The following FBXW7 variants were observed in gnomAD, a reference collection of about 807,000 sequenced individuals.
The protein encoded by FBXW7 is F-box/WD repeat-containing protein 7.
A neutral mutation model predicts 86.3 loss-of-function variants in FBXW7; 11 were observed. The ratio of observed to expected loss-of-function variants is 0.13; its 90% confidence interval spans 0.08 to 0.21. FBXW7 has a LOEUF of 0.21. Among genes scored for constraint, FBXW7 ranks in the 10% least tolerant of loss-of-function variants. The pLI is 1.00. For missense variants in FBXW7, 488 were observed against 847.4 expected (o/e 0.58, Z 5.27); for synonymous variants, 313 against 297.9 (o/e 1.05, Z -0.52).
chr4:152,493,283 G>C (rs11731152), intron 2 of FBXW7, among the ~76,000 whole-genome samples: 1 of 151,922 alleles, frequency 6.6e-6, no homozygotes, highest in Non-Finnish European at 1.5e-5. Context: ...TCGTGCCTCA[G>C]CCTCCCGAGT....
chr4:152,525,971 T>C (rs1749472011), intron 2 of FBXW7, among the ~76,000 whole-genome samples: 1 of 152,210 alleles, frequency 6.6e-6, no homozygotes, highest in African/African-American at 2.4e-5. Context: ...GCATCTGTTA[T>C]TTTTTGACTT....
At chr4:152,473,794 T>A (rs941848955) in intron 2 of FBXW7, among the ~76,000 whole-genome samples, 2 of 152,170 alleles carry the variant, frequency 1.3e-5, no homozygotes, top group Non-Finnish European at 2.9e-5. Flanking sequence ...CTAAATGGCA[T>A]ATTTTCACCA....
chr4:152,359,594 C>T (rs2126691004), intron 4 of FBXW7, among the ~76,000 whole-genome samples: 1 of 151,810 alleles, frequency 6.6e-6, no homozygotes, highest in Non-Finnish European at 1.5e-5. Flanking sequence ...GTCTCAAAAA[C>T]AAACAAACAA....
chr4:152,387,206 T>C (rs1735598490), intron 4 of FBXW7, among the ~76,000 whole-genome samples: 1 of 152,188 alleles, frequency 6.6e-6, no homozygotes, highest in Non-Finnish European at 1.5e-5. Flanking sequence ...GTATGTTATT[T>C]GAATTCAGTA....
At chr4:152,508,032 C>T (rs778164179) in intron 2 of FBXW7, among the ~76,000 whole-genome samples, 3 of 151,510 alleles carry the variant, frequency 2.0e-5, no homozygotes, top group African/African-American at 4.9e-5. Context: ...CATACCACTG[C>T]GCACTCCAGC....
At chr4:152,400,516 C>T (rs1191322246) in intron 4 of FBXW7, among the ~76,000 whole-genome samples, 1 of 151,228 alleles carries the variant, frequency 6.6e-6, no homozygotes, top group Non-Finnish European at 1.5e-5. Flanking sequence ...TAATTTTGTG[C>T]ATTTTTTTTT....
At chr4:152,522,036 G>C (rs1749068695) in intron 2 of FBXW7, among the ~76,000 whole-genome samples, 1 of 151,918 alleles carries the variant, frequency 6.6e-6, no homozygotes, top group South Asian at 2.1e-4. Flanking sequence ...AACAGGAAAA[G>C]TGTACACAGA....
chr4:152,415,874 C>G (rs1738382524), intron 2 of FBXW7, among the ~76,000 whole-genome samples: 1 of 152,080 alleles, frequency 6.6e-6, no homozygotes, highest in African/African-American at 2.4e-5. Context: ...GGACTCTGTT[C>G]AAATGTCCCC....
At chr4:152,369,952 A>T (rs1057088359) in intron 4 of FBXW7, among the ~76,000 whole-genome samples, 2 of 152,036 alleles carry the variant, frequency 1.3e-5, no homozygotes, top group Admixed American at 6.6e-5. Flanking sequence ...ATGAAGCAGT[A>T]CCAACCATCC....
intron 2 of FBXW7, among the ~76,000 whole-genome samples, chr4:152,429,252 G>A (rs995266119): frequency 6.6e-6 from 1 of 152,100 alleles, no homozygotes; most frequent in Non-Finnish European, 1.5e-5. Context: ...GTTTTTGGGC[G>A]TGGGGAAGAA....
intron 10 of FBXW7, 32 bp from the exon 11 acceptor site, chr4:152,328,421 G>A (rs946289999): frequency 8.1e-6 from 11 of 1,361,196 alleles, no homozygotes; most frequent in Non-Finnish European, 1.1e-5. Flanking sequence ...TTACTTTTGG[G>A]TAGAAAGGAA....
chr4:152,466,297 T>C (rs1743432555), intron 2 of FBXW7, among the ~76,000 whole-genome samples: 1 of 152,210 alleles, frequency 6.6e-6, no homozygotes, highest in South Asian at 2.1e-4. Flanking sequence ...GGCTCAAGCC[T>C]GTAATCCCAG....
intron 2 of FBXW7, among the ~76,000 whole-genome samples, chr4:152,417,962 G>A (rs977889606): frequency 6.6e-6 from 1 of 152,122 alleles, no homozygotes; most frequent in African/African-American, 2.4e-5. Flanking sequence ...ATCTTGTCTT[G>A]ACATCTGTGT....
At chr4:152,443,199 T>C (rs1319368536) in intron 2 of FBXW7, among the ~76,000 whole-genome samples, 1 of 151,850 alleles carries the variant, frequency 6.6e-6, no homozygotes, top group African/African-American at 2.4e-5. Flanking sequence ...GAGGCGGAGG[T>C]TGTGGTGAGC....
At chr4:152,491,874 A>G (rs1040284115) in intron 2 of FBXW7, among the ~76,000 whole-genome samples, 1 of 152,192 alleles carries the variant, frequency 6.6e-6, no homozygotes, top group Non-Finnish European at 1.5e-5. Flanking sequence ...TTATTTCTAT[A>G]ATTTTTAGAT....
At chr4:152,387,600 A>G (rs1735633982) in intron 4 of FBXW7, among the ~76,000 whole-genome samples, 2 of 98,874 alleles carry the variant, frequency 2.0e-5, no homozygotes, top group East Asian at 5.9e-4. Flanking sequence ...TGTATTAGCA[A>G]AAACTGTAAA....
intron 2 of FBXW7, among the ~76,000 whole-genome samples, chr4:152,437,359 A>ACAGAGC (rs1432569879): frequency 4.6e-5 from 7 of 151,824 alleles, no homozygotes; most frequent in African/African-American, 1.7e-4. Flanking sequence ...AGCCTGGGAG[A>ACAGAGC]CAGAGCCAGA....
At chr4:152,374,261 G>A (rs1268135850) in intron 4 of FBXW7, among the ~76,000 whole-genome samples, 4 of 151,844 alleles carry the variant, frequency 2.6e-5, no homozygotes, top group African/African-American at 4.8e-5. Flanking sequence ...TCAAAGTACT[G>A]TATTTTTTTT....
At chr4:152,497,622 AT>A (rs1247808804) in intron 2 of FBXW7, among the ~76,000 whole-genome samples, 6 of 152,276 alleles carry the variant, frequency 3.9e-5, no homozygotes, top group Admixed American at 2.0e-4. Flanking sequence ...AGGCAAAAAA[AT>A]CATAGCTAGA....
Sources: allele counts gnomAD v4.1 joint callset (sites outside exome capture counted in the v4.1 genomes callset), GRCh38; gene constraint gnomAD v4.1.1; transcripts MANE v1.5; gene names NCBI Gene and HGNC (gene_info 2026-07-23, HGNC 2026-07-21).